The following DTL variants were observed in gnomAD, a reference collection of about 807,000 sequenced individuals.
DTL encodes denticleless protein homolog.
A neutral mutation model predicts 87.0 loss-of-function variants in DTL; 46 were observed. The observed-to-expected ratio is 0.53, with a 90% confidence interval of 0.42 to 0.68. DTL has a LOEUF of 0.68. DTL is among the 30% of genes least tolerant of loss of function. DTL has a pLI of 0.00. For missense variants in DTL, 737 were observed against 869.4 expected (o/e 0.85, Z 1.91); for synonymous variants, 308 against 311.2 (o/e 0.99, Z 0.11).
chr1:212,056,782 C>T (rs1668190339), intron 5 of DTL, among the ~76,000 whole-genome samples: 1 of 151,796 alleles, frequency 6.6e-6, no homozygotes, highest in African/African-American at 2.4e-5. Context: ...AGGAATCTAC[C>T]AAAGAGATAG....
At chr1:212,073,862 C>T (rs1444805135) in intron 11 of DTL, among the ~76,000 whole-genome samples, 2 of 152,008 alleles carry the variant, frequency 1.3e-5, no homozygotes, top group East Asian at 3.8e-4. Flanking sequence ...GTCGCTGGCA[C>T]TAATGCTCTG....
intron 1 of DTL, 66 bp from the exon 2 acceptor site, chr1:212,042,927 G>A (rs1238492283): frequency 2.0e-5 from 30 of 1,464,520 alleles, no homozygotes; most frequent in Non-Finnish European, 2.8e-5. Flanking sequence ...ATTTACCTCT[G>A]AATTTGTTAA....
chr1:212,072,914 C>A (rs1469430647), intron 11 of DTL, among the ~76,000 whole-genome samples: 1 of 152,012 alleles, frequency 6.6e-6, no homozygotes, highest in Non-Finnish European at 1.5e-5. Context: ...CAGGTGCCTG[C>A]CACCACGCCC....
chr1:212,041,146 C>T (rs1359524887), intron 1 of DTL, among the ~76,000 whole-genome samples: 1 of 152,070 alleles, frequency 6.6e-6, no homozygotes, highest in Non-Finnish European at 1.5e-5. Context: ...CAATAAGGAT[C>T]CAAAAGTAGC....
chr1:212,058,100 G>T (rs1404125904), intron 5 of DTL, among the ~76,000 whole-genome samples: 1 of 152,170 alleles, frequency 6.6e-6, no homozygotes, highest in Non-Finnish European at 1.5e-5. Flanking sequence ...TCTAAAGGGA[G>T]AGACTCCAGT....
chr1:212,079,693 A>G (rs1654935569), intron 12 of DTL, among the ~76,000 whole-genome samples: 1 of 152,184 alleles, frequency 6.6e-6, no homozygotes, highest in African/African-American at 2.4e-5. Context: ...TACCAGACAC[A>G]TAGTAGGTGC....
chr1:212,071,399 AT>A (rs1198399413), intron 10 of DTL, among the ~76,000 whole-genome samples: 1 of 152,190 alleles, frequency 6.6e-6, no homozygotes, highest in Non-Finnish European at 1.5e-5. Flanking sequence ...CATATGCTAG[AT>A]TGGGTTACCT....
rs143923657 is a variant in DTL, at chr1:212,040,106, G to A, written c.53-2887G>A. 2.9e-3 allele frequency among the ~76,000 whole-genome samples: 438 copies of A among 152,298 alleles called. 3 individuals carry two copies. The highest frequency in any genetic ancestry group is 9.8e-3 in the African/African-American group (409 of 41,562). On this transcript the variant is annotated intron_variant, in intron 1 of 14. Transcript: ENST00000366991. ...CCCTTGTGGTAACAGGTAGCATAAA[G>A]CACAGACACATTGTATAATTGTACA...
intron 5 of DTL, among the ~76,000 whole-genome samples, chr1:212,057,474 C>A (rs1367443825): frequency 6.6e-6 from 1 of 151,684 alleles, no homozygotes; most frequent in Admixed American, 6.6e-5. Context: ...AATTAATCAC[C>A]AGTAGATGGG....
At chr1:212,060,799 A>T (rs1654265273) in intron 5 of DTL, among the ~76,000 whole-genome samples, 1 of 152,110 alleles carries the variant, frequency 6.6e-6, no homozygotes, top group Non-Finnish European at 1.5e-5. Flanking sequence ...AAACAATAGA[A>T]CTACTAGAAG....
At chr1:212,055,745 A>C (rs933666414) in intron 5 of DTL, among the ~76,000 whole-genome samples, 1 of 152,056 alleles carries the variant, frequency 6.6e-6, no homozygotes, top group African/African-American at 2.4e-5. Flanking sequence ...AAGCCTGGGG[A>C]TCACCCCACC....
At chr1:212,080,493 T>C in intron 12 of DTL, 122 bp from the exon 13 acceptor site, 2 of 873,292 alleles carry the variant, frequency 2.3e-6, no homozygotes, top group Non-Finnish European at 3.5e-6. Context: ...TATTATTTTC[T>C]ATATCCTGTT....
At position 212,100,871 on chromosome 1, in the gene DTL, G is replaced by A. The variant is rs149056494; in HGVS notation, c.1881G>A (p.Pro627=). ...CAGAGCCTCCGTCTCCTATCAGTCC[G>A]TATGCTTCAGAAAGCTGTGGAACGC... The part of the protein sequence containing the change: ...SISEPPSPIS[P]YASESCGTLP... The change falls in exon 14 of 15, where the codon CCG becomes CCA. Residue 627 remains proline, a synonymous_variant. Coordinates refer to ENST00000366991, the MANE Select transcript of DTL (RefSeq NM_016448.4). The A allele has an allele frequency of 2.7e-3, 4,301 of 1,614,132 alleles. 13 individuals are homozygous for A. Among genetic ancestry groups the A allele is most frequent in the Non-Finnish European group, 3.2e-3 (3,732 of 1,180,012 alleles).
chr1:212,041,507 C>T (rs1667640722), intron 1 of DTL, among the ~76,000 whole-genome samples: 1 of 106,658 alleles, frequency 9.4e-6, no homozygotes, highest in Admixed American at 1.3e-4. Context: ...GCATTTTTGG[C>T]GGGGGGGTGG....
chr1:212,064,790 C>A, intron 6 of DTL, 127 bp from the exon 7 acceptor site: 1 of 695,872 alleles, frequency 1.4e-6, no homozygotes, highest in Non-Finnish European at 2.5e-6. Context: ...TGTAGTGCAG[C>A]TGGCTCTGCT....
intron 13 of DTL, among the ~76,000 whole-genome samples, chr1:212,092,088 A>C (rs114194715): frequency 6.6e-6 from 1 of 152,170 alleles, no homozygotes; most frequent in African/African-American, 2.4e-5. Context: ...GCTGTAACCA[A>C]TGTGTAGTCT....
intron 13 of DTL, among the ~76,000 whole-genome samples, chr1:212,092,831 C>T (rs998355639): frequency 6.6e-6 from 1 of 152,110 alleles, no homozygotes; most frequent in East Asian, 1.9e-4. Context: ...TAGTTCTTTA[C>T]AGAATCTCTG....
chr1:212,097,227 T>G (rs915333673), intron 13 of DTL, among the ~76,000 whole-genome samples: 72 of 152,332 alleles, frequency 4.7e-4, no homozygotes, highest in African/African-American at 1.3e-3. Context: ...GTTAATCTGA[T>G]AGGTTTTTCC....
chr1:212,097,917 C>T (rs1655498452), intron 13 of DTL, among the ~76,000 whole-genome samples: 1 of 152,082 alleles, frequency 6.6e-6, no homozygotes, highest in African/African-American at 2.4e-5. Flanking sequence ...CAGAGTGATC[C>T]CTTGGTGTGG....
Sources: allele counts gnomAD v4.1 joint callset (sites outside exome capture counted in the v4.1 genomes callset), GRCh38; gene constraint gnomAD v4.1.1; transcripts MANE v1.5; gene names NCBI Gene and HGNC (gene_info 2026-07-23, HGNC 2026-07-21).